The following FAF1 variants were observed in gnomAD, a reference collection of about 807,000 sequenced individuals.
FAF1 encodes the protein Fas associated factor 1.
In FAF1, 25 loss-of-function variants were observed where a neutral mutation model predicts 92.5. The observed-to-expected ratio is 0.27, with a 90% CI of 0.20 to 0.38. The LOEUF (loss-of-function observed/expected upper bound fraction) is 0.38, where lower values mean the gene tolerates loss of function less well. Ranked by LOEUF, FAF1 falls within the 10% of genes least tolerant of loss-of-function variation. The probability of loss-of-function intolerance (pLI) is 1.00; values close to 1 mark genes in which losing one functional copy is unlikely to be tolerated. For synonymous variants in FAF1, 234 were observed against 273.2 expected, an observed-to-expected ratio of 0.86 and a Z score of 1.42; for missense variants, 636 against 793.3, an observed-to-expected ratio of 0.80 and a Z score of 2.38.
At chr1:50,656,934 G>T (rs1049756261) in intron 7 of FAF1, among the ~76,000 whole-genome samples, 6 of 152,148 alleles carry the variant, frequency 3.9e-5, no homozygotes, top group African/African-American at 1.4e-4. Flanking sequence ...AGTGTTACTG[G>T]GCGTGGTGGT....
chr1:50,534,426 G>C (rs1557984727), intron 15 of FAF1, among the ~76,000 whole-genome samples: 1 of 152,082 alleles, frequency 6.6e-6, no homozygotes. Flanking sequence ...GGGATTACAA[G>C]CACATGCCAC....
At chr1:50,655,172 C>T (rs2124294056) in intron 8 of FAF1, among the ~76,000 whole-genome samples, 1 of 152,130 alleles carries the variant, frequency 6.6e-6, no homozygotes, top group Non-Finnish European at 1.5e-5. Flanking sequence ...GAGGCGGCCG[C>T]CACCATGCCC....
At chr1:50,700,305 CT>C (rs1657411097) in intron 7 of FAF1, among the ~76,000 whole-genome samples, 1 of 152,070 alleles carries the variant, frequency 6.6e-6, no homozygotes, top group South Asian at 2.1e-4. Context: ...CACAGAGGTT[CT>C]TTTCCCCCCT....
Position 50,655,502 on chromosome 1 carries a change from T to G in FAF1, c.684A>C (p.Thr228=). 5 of 1,612,594 alleles carry G rather than the reference T, an allele frequency of 3.1e-6. No homozygotes were observed. The highest frequency in any genetic ancestry group is 1.1e-5 in the South Asian group (1 of 91,026). ...ATAATTGGTGGCGAACGGGGATACT[T>G]GTAAGGTCATACACATTTCTCTTTA... The part of the protein sequence containing the change: ...QEVKRNVYDL[T]SIPVRHQLWE... Residue 228 remains threonine, a synonymous_variant, in exon 8 of 19, where the codon ACA becomes ACC. Coordinates refer to ENST00000396153, the MANE Select transcript of FAF1 (RefSeq NM_007051.3).
chr1:50,623,834 C>T (rs1249501418), intron 8 of FAF1, among the ~76,000 whole-genome samples: 1 of 151,386 alleles, frequency 6.6e-6, no homozygotes, highest in Non-Finnish European at 1.5e-5. Context: ...TCACAACTAC[C>T]CAAGAAGCTG....
chr1:50,904,920 G>T (rs186619644), intron 1 of FAF1, among the ~76,000 whole-genome samples: 1 of 150,426 alleles, frequency 6.6e-6, no homozygotes, highest in East Asian at 1.9e-4. Flanking sequence ...AAGTTCTAGG[G>T]TACTTGTGCA....
At chr1:50,746,088 T>G (rs1165617142) in intron 4 of FAF1, among the ~76,000 whole-genome samples, 2 of 151,460 alleles carry the variant, frequency 1.3e-5, no homozygotes, top group African/African-American at 2.4e-5. Flanking sequence ...GGTGGCATTG[T>G]GCCCCTGCCT....
chr1:50,539,536 CTATAAAG>C, intron 14 of FAF1, 49 bp downstream of exon 14: 1 of 1,329,278 alleles, frequency 7.5e-7, no homozygotes, highest in Non-Finnish European at 1.0e-6. Context: ...GGTGGAAAAA[CTATAAAG>C]TTATCACATA....
At chr1:50,808,420 G>C (rs80117673) in intron 2 of FAF1, among the ~76,000 whole-genome samples, 2,120 of 152,134 alleles carry the variant, frequency 0.014, 48 homozygotes, top group African/African-American at 0.047. Context: ...TATTAACCTC[G>C]TATGTAAATG....
intron 7 of FAF1, among the ~76,000 whole-genome samples, chr1:50,693,275 T>C (rs1239192430): frequency 6.6e-6 from 1 of 152,166 alleles, no homozygotes; most frequent in Non-Finnish European, 1.5e-5. Flanking sequence ...TTCTTGTGCA[T>C]GTAGATATCT....
chr1:50,827,584 T>C (rs973731154), intron 2 of FAF1, among the ~76,000 whole-genome samples: 4 of 151,982 alleles, frequency 2.6e-5, no homozygotes, highest in African/African-American at 9.7e-5. Context: ...CCTATGACCC[T>C]GCCACATCCC....
intron 15 of FAF1, among the ~76,000 whole-genome samples, chr1:50,494,652 C>G (rs114958856): frequency 0.024 from 3,585 of 152,280 alleles, 49 homozygotes; most frequent in Non-Finnish European, 0.037. Flanking sequence ...TCTCATATTG[C>G]GCTGTGCTAC....
At chr1:50,894,891 A>G (rs1258267589) in intron 1 of FAF1, among the ~76,000 whole-genome samples, 11 of 152,170 alleles carry the variant, frequency 7.2e-5, no homozygotes, top group Admixed American at 7.2e-4. Context: ...GAAGTACCAA[A>G]TATCAAGAGG....
At chr1:50,490,450 AGG>A (rs879364397) in intron 17 of FAF1, 136 bp downstream of exon 17, 22,408 of 356,966 alleles carry the variant, frequency 0.063, 1,787 homozygotes, top group Non-Finnish European at 0.072. Context: ...GAAGGAAGGA[AGG>A]AAGGAAGGAA....
intron 4 of FAF1, among the ~76,000 whole-genome samples, chr1:50,746,233 T>C (rs1387918123): frequency 5.1e-5 from 6 of 116,958 alleles, no homozygotes; most frequent in Admixed American, 3.2e-4. Flanking sequence ...AGCAAAGAAA[T>C]GACCTGAAAC....
chr1:50,724,402 C>T (rs539223948), intron 6 of FAF1, among the ~76,000 whole-genome samples: 3 of 152,082 alleles, frequency 2.0e-5, no homozygotes, highest in Admixed American at 6.6e-5. Context: ...CCTATTACCA[C>T]TGCTGCTGGA....
rs1557458901 is a variant in FAF1, at chr1:50,655,547, AG to A, written c.658-20del. On this transcript the variant is annotated intron_variant, in intron 7 of 18. Transcript: ENST00000396153. ...TCTTTACCTATGAAAAGAAAGAAAC[AG>A]GACAATTAAAATAGAATTTTCACAT... 1 of 1,468,976 alleles carries A rather than the reference AG, an allele frequency of 6.8e-7. No homozygotes were observed. 91.0% of individuals were successfully genotyped at this position (1,468,976 alleles called of 1,614,324 possible). A position where few individuals can be genotyped will look rare whatever the true frequency, so the allele number is the denominator to read the frequency against.
At chr1:50,553,209 A>C (rs1230264928) in intron 13 of FAF1, among the ~76,000 whole-genome samples, 1 of 152,184 alleles carries the variant, frequency 6.6e-6, no homozygotes, top group East Asian at 1.9e-4. Flanking sequence ...TTGAACAAAT[A>C]AATAGGAGTG....
intron 8 of FAF1, among the ~76,000 whole-genome samples, chr1:50,601,689 A>G (rs1358900272): frequency 6.6e-6 from 1 of 150,704 alleles, no homozygotes; most frequent in African/African-American, 2.5e-5. Context: ...ATACATATAT[A>G]TTCATATATA....
Sources: gnomAD v4.1 joint callset for allele counts (sites outside exome capture counted in the v4.1 genomes callset) on GRCh38, gnomAD v4.1.1 for gene constraint, MANE v1.5 for transcripts, NCBI Gene and HGNC (gene_info 2026-07-23, HGNC 2026-07-21) for gene names.